Variants in GLT1D1 observed in about 807,000 individuals in gnomAD.
GLT1D1 encodes glycosyltransferase 1 domain containing 1, also known as glycosyltransferase 1 domain-containing protein 1.
In GLT1D1, 21 loss-of-function variants were observed where a neutral mutation model predicts 28.7. That is an observed-to-expected ratio of 0.73 (90% CI 0.52 to 1.05). The LOEUF is 1.05. Ranked by LOEUF, GLT1D1 falls within the 50% of genes least tolerant of loss-of-function variation. The pLI, the probability that GLT1D1 is intolerant of heterozygous loss-of-function variation, is 0.00. For synonymous variants in GLT1D1, 147 were observed against 124.8 expected (o/e 1.18, Z -1.19); for missense variants, 343 against 330.6 (o/e 1.04, Z -0.29).
At chr12:128,865,449 T>A (rs903606158) in intron 1 of GLT1D1, among the ~76,000 whole-genome samples, 2 of 152,140 alleles carry the variant, frequency 1.3e-5, no homozygotes, top group Admixed American at 1.3e-4. Flanking sequence ...TTGAAGACAG[T>A]CAGTATTCCG....
chr12:128,867,419 G>GAAAA (rs1318656397), intron 1 of GLT1D1, among the ~76,000 whole-genome samples: 3,685 of 111,770 alleles, frequency 0.033, 171 homozygotes, highest in African/African-American at 0.11. Flanking sequence ...AAAAAAAACA[G>GAAAA]AAAAAAAAAA....
chr12:128,910,457 A>G (rs530471525), intron 4 of GLT1D1, among the ~76,000 whole-genome samples: 3 of 152,214 alleles, frequency 2.0e-5, no homozygotes, highest in Admixed American at 6.5e-5. Context: ...ATTAAGTTAT[A>G]TTAAGTTAAA....
chr12:128,947,519 T>C lies in GLT1D1; in HGVS notation c.540+61T>C, dbSNP rs1593175067. The C allele has an allele frequency of 1.9e-6, 3 of 1,581,502 alleles. No homozygotes were observed. The East Asian group carries it at 6.7e-5, about 35-fold the overall frequency. ...TGAAATTGTCCATCACTCCTTCTCC[T>C]ATTTACGGAGGTGACGTCTTTGTCA... is the stretch of plus-strand genomic sequence containing the variant. On this transcript the variant is annotated intron_variant, in intron 6 of 7. Coordinates refer to ENST00000281703, the MANE Select transcript of GLT1D1 (RefSeq NM_144669.3).
chr12:128,858,877 T>G (rs1297709577), intron 1 of GLT1D1, among the ~76,000 whole-genome samples: 1 of 152,138 alleles, frequency 6.6e-6, no homozygotes, highest in Non-Finnish European at 1.5e-5. Flanking sequence ...AACATTTCCT[T>G]TCTATGGATC....
intron 4 of GLT1D1, among the ~76,000 whole-genome samples, chr12:128,920,519 A>C (rs1872567938): frequency 2.0e-5 from 3 of 152,162 alleles, no homozygotes. Context: ...GCGGCATTGC[A>C]CTCCAGCCTG....
chr12:128,914,685 C>T (rs924625241), intron 4 of GLT1D1, among the ~76,000 whole-genome samples: 8 of 151,794 alleles, frequency 5.3e-5, no homozygotes, highest in Non-Finnish European at 8.8e-5. Context: ...CCGGGTGTGG[C>T]AGCGGGCGCC....
At chr12:128,947,220 C>A in intron 5 of GLT1D1, 118 bp from the exon 10 acceptor site, 1 of 1,166,938 alleles carries the variant, frequency 8.6e-7, no homozygotes, top group Non-Finnish European at 1.3e-6. Context: ...AACGCTTGGT[C>A]AACAATGCTT....
chr12:128,868,319 C>T (rs1008054724), intron 1 of GLT1D1, among the ~76,000 whole-genome samples: 3 of 152,034 alleles, frequency 2.0e-5, no homozygotes, highest in African/African-American at 4.8e-5. Flanking sequence ...TGTGGAGAGC[C>T]GGATGTTTTG....
chr12:128,901,119 T>G (rs1055310706), intron 4 of GLT1D1, among the ~76,000 whole-genome samples: 2 of 152,206 alleles, frequency 1.3e-5, no homozygotes, highest in Non-Finnish European at 2.9e-5. Context: ...AATGCAGTGA[T>G]GAGTAAAATG....
At chr12:128,875,398 G>A (rs1956847323) in intron 1 of GLT1D1, among the ~76,000 whole-genome samples, 2 of 152,206 alleles carry the variant, frequency 1.3e-5, no homozygotes, top group South Asian at 4.1e-4. Context: ...ACTGGCAGAT[G>A]AATGGCTAAT....
rs994331478 is a variant in GLT1D1 at position 128,924,780 on chromosome 12, G to A, written c.376-20546G>A. Among the ~76,000 whole-genome samples, 24 of 152,124 alleles carry A rather than the reference G, an allele frequency of 1.6e-4. 1 individual carries two copies. The highest frequency in any genetic ancestry group is 6.5e-4 in the Admixed American group (10 of 15,278). On this transcript the variant is annotated intron_variant, in intron 4 of 7. Transcript: ENST00000281703. Reference sequence around the variant, plus strand: ...TCGCGGGGCCAGATTAGAGGGTACCGGTGTGAACGGGGCAGTGGGGAGAGT... The same window carrying A: ...TCGCGGGGCCAGATTAGAGGGTACCAGTGTGAACGGGGCAGTGGGGAGAGT...
At chr12:128,943,635 A>G (rs754073873) in intron 4 of GLT1D1, among the ~76,000 whole-genome samples, 6 of 152,250 alleles carry the variant, frequency 3.9e-5, no homozygotes, top group East Asian at 1.9e-4. Context: ...ATATTTTTCT[A>G]TATGCGAATG....
intron 4 of GLT1D1, among the ~76,000 whole-genome samples, chr12:128,936,999 G>A: frequency 6.6e-6 from 1 of 152,162 alleles, no homozygotes; most frequent in East Asian, 1.9e-4. Flanking sequence ...CAACTTGAAA[G>A]TTGCTGTTAT....
intron 4 of GLT1D1, among the ~76,000 whole-genome samples, chr12:128,941,905 C>CTTTTTTTTTTTTTTTTTTTTTTTTTT (rs60663875): frequency 2.7e-5 from 2 of 75,368 alleles, no homozygotes; most frequent in Admixed American, 3.5e-4. Context: ...CTCTCTCTCT[C>CTTTTTTTTTTTTTTTTTTTTTTTTTT]TTTTTTTTTT....
Position 128,982,162 on chromosome 12 carries a change from C to T in GLT1D1, c.640-767C>T, listed in dbSNP as rs368614351. ...GGAAACACAGCCCGAAGCTGAGCCG[C>T]GGGAGGAAAGGCCAGAAAAGCAAAG... On this transcript the variant is annotated intron_variant, in intron 7 of 7. Transcript: ENST00000281703. Among the ~76,000 whole-genome samples the T allele has an allele frequency of 7.2e-5, 11 of 151,958 alleles. No individual in the cohort carries two copies. The East Asian group carries it at 7.7e-4, about 11-fold the overall frequency.
At chr12:128,971,176 A>G (rs949019158) in intron 7 of GLT1D1, among the ~76,000 whole-genome samples, 6 of 152,116 alleles carry the variant, frequency 3.9e-5, no homozygotes, top group Non-Finnish European at 7.4e-5. Flanking sequence ...TGCCAGTCAC[A>G]GGTTCTGGTG....
chr12:128,856,897 C>T (rs1471966704), intron 1 of GLT1D1, among the ~76,000 whole-genome samples: 1 of 152,014 alleles, frequency 6.6e-6, no homozygotes, highest in Non-Finnish European at 1.5e-5. Context: ...ACCTGCAAGG[C>T]GGAGGTTGCA....
chr12:128,859,444 G>A (rs747635102), intron 1 of GLT1D1, among the ~76,000 whole-genome samples: 2 of 152,194 alleles, frequency 1.3e-5, no homozygotes, highest in South Asian at 2.1e-4. Context: ...CCCCAGGGCC[G>A]TTGGGCAAGG....
In GLT1D1 at chr12:128,973,179, G is replaced by GTTTTTTTTTTTTTTTTTTTTTTTT. The variant is rs61169176; in HGVS notation, c.640-9746_640-9723dup. Among the ~76,000 whole-genome samples, 94 of 50,984 alleles carry GTTTTTTTTTTTTTTTTTTTTTTTT rather than the reference G, an allele frequency of 1.8e-3. 24 individuals are homozygous for GTTTTTTTTTTTTTTTTTTTTTTTT. Among genetic ancestry groups the GTTTTTTTTTTTTTTTTTTTTTTTT allele is most frequent in the Non-Finnish European group, 3.1e-3 (77 of 24,890 alleles). The allele number at this position is 50,984 out of a possible 152,430, so 33.4% of individuals were successfully genotyped here. On this transcript the variant is annotated intron_variant, in intron 7 of 7. Transcript: ENST00000281703. ...CTTTTCTGTTTTGTTTGTTTGCTTG[G>GTTTTTTTTTTTTTTTTTTTTTTTT]TTTTTTTTTTTTTTTTTTTTTTTTT... is the stretch of plus-strand genomic sequence containing the variant.
Sources: allele counts gnomAD v4.1 joint callset (sites outside exome capture counted in the v4.1 genomes callset), GRCh38; gene constraint gnomAD v4.1.1; transcripts MANE v1.5; gene names NCBI Gene and HGNC (gene_info 2026-07-23, HGNC 2026-07-21).